The following PGAP1 variants were observed in gnomAD, a reference collection of about 807,000 sequenced individuals.
PGAP1 encodes GPI inositol-deacylase.
PGAP1 carries 76 observed loss-of-function variants against 127.0 expected under a neutral mutation model. That is an observed-to-expected ratio of 0.60 (90% CI 0.50 to 0.72). The LOEUF is 0.72. Ranked by LOEUF, PGAP1 falls within the 30% of genes least tolerant of loss-of-function variation. The pLI is 0.00. For synonymous variants in PGAP1, 362 were observed against 366.5 expected, an observed-to-expected ratio of 0.99 and a Z score of 0.14; for missense variants, 982 against 1,071.3, an observed-to-expected ratio of 0.92 and a Z score of 1.16.
At chr2:196,857,072 AG>A (rs1276477515) in intron 20 of PGAP1, among the ~76,000 whole-genome samples, 2 of 152,218 alleles carry the variant, frequency 1.3e-5, no homozygotes, top group Non-Finnish European at 2.9e-5. Context: ...ACAGAAATAA[AG>A]GGCATCGAAA....
intron 7 of PGAP1, 100 bp downstream of exon 7, chr2:196,897,031 T>A (rs1406339816): frequency 1.5e-6 from 1 of 663,100 alleles, no homozygotes; most frequent in African/African-American, 1.9e-5. Flanking sequence ...GCTTCTATTT[T>A]CATCAAAGTA....
intron 20 of PGAP1, among the ~76,000 whole-genome samples, chr2:196,860,406 C>T (rs981152075): frequency 3.3e-5 from 5 of 152,012 alleles, no homozygotes; most frequent in South Asian, 2.1e-4. Flanking sequence ...TGGTGCCACA[C>T]GGCTGTAATC....
rs1329624681 is a variant in PGAP1, at chr2:196,838,215, C to G, written c.*3019G>C. 1 of 152,164 alleles carries G rather than the reference C, an allele frequency of 6.6e-6. No individual in the cohort carries two copies. Among genetic ancestry groups the G allele is most frequent in the African/African-American group, 2.4e-5 (1 of 41,440 alleles). The allele number at this position is 152,164 out of a possible 1,614,324, so 9.4% of individuals were successfully genotyped here. A position where few individuals can be genotyped will look rare whatever the true frequency, so the allele number is the denominator to read the frequency against. ...TAGGGTCTAGGAGTTAAGCACAAAA[C>G]TTACTCATAACTCAATTGCTAAATT... On this transcript the variant is annotated 3_prime_UTR_variant, in exon 27 of 27. Transcript: ENST00000354764.
intron 20 of PGAP1, among the ~76,000 whole-genome samples, chr2:196,852,839 T>C (rs1306203582): frequency 1.3e-5 from 2 of 152,068 alleles, no homozygotes; most frequent in African/African-American, 4.8e-5. Flanking sequence ...AAATAGGAAA[T>C]ACTTGGACAA....
intron 21 of PGAP1, 97 bp downstream of exon 21, chr2:196,847,850 C>A: frequency 1.1e-6 from 1 of 920,052 alleles, no homozygotes; most frequent in South Asian, 2.5e-5. Flanking sequence ...AAGTCAACTG[C>A]CAAATCTGTA....
Position 196,833,222 on chromosome 2 carries a change from C to T in PGAP1, c.*8012G>A, listed in dbSNP as rs535721218. On this transcript the variant is annotated 3_prime_UTR_variant, in exon 27 of 27. Transcript: ENST00000354764. ...TAGTACTTTTTGTGAATTACAATCACATAAATGTAATAATTTTAATTATAC... is the reference window on the plus strand; with the variant it reads ...TAGTACTTTTTGTGAATTACAATCATATAAATGTAATAATTTTAATTATAC... 1 of 152,440 alleles carries T rather than the reference C, an allele frequency of 6.6e-6. No individual in the cohort carries two copies. The highest frequency in any genetic ancestry group is 6.5e-5 in the Admixed American group (1 of 15,282). 9.4% of individuals were successfully genotyped at this position (152,440 alleles called of 1,614,324 possible). A position where few individuals can be genotyped will look rare whatever the true frequency, so the allele number is the denominator to read the frequency against.
At chr2:196,924,554 T>C (rs1362102202) in intron 1 of PGAP1, among the ~76,000 whole-genome samples, 3 of 152,154 alleles carry the variant, frequency 2.0e-5, no homozygotes, top group Non-Finnish European at 4.4e-5. Flanking sequence ...ATATAAATAC[T>C]ATCATGAATT....
intron 19 of PGAP1, among the ~76,000 whole-genome samples, chr2:196,866,746 A>G (rs1272361757): frequency 6.6e-6 from 1 of 152,210 alleles, no homozygotes; most frequent in East Asian, 1.9e-4. Flanking sequence ...AACATCCAAA[A>G]TCTATAAAGA....
At chr2:196,887,248 G>T (rs938680372) in intron 10 of PGAP1, among the ~76,000 whole-genome samples, 1 of 152,120 alleles carries the variant, frequency 6.6e-6, no homozygotes, top group East Asian at 1.9e-4. Flanking sequence ...GCTGGGCGTG[G>T]TGGTGGGCGT....
intron 13 of PGAP1, 140 bp downstream of exon 13, chr2:196,879,936 A>G: frequency 6.6e-6 from 4 of 605,008 alleles, no homozygotes; most frequent in Non-Finnish European, 1.2e-5. Flanking sequence ...GATGATCCTA[A>G]TAATTTAACA....
intron 20 of PGAP1, among the ~76,000 whole-genome samples, chr2:196,858,033 CA>C (rs141162136): frequency 0.1 from 15,530 of 151,976 alleles, 958 homozygotes; most frequent in African/African-American, 0.17. Flanking sequence ...TTTAAGTTGA[CA>C]AAACTTAAAG....
chr2:196,903,475 C>A (rs1028310790), intron 4 of PGAP1, among the ~76,000 whole-genome samples: 1 of 148,018 alleles, frequency 6.8e-6, no homozygotes, highest in South Asian at 2.1e-4. Context: ...GCAGGAGAAT[C>A]GCTTGAACCC....
At position 196,864,874 on chromosome 2, in the gene PGAP1, G is replaced by A. The variant is rs555499426; in HGVS notation, c.1861+113C>T. 37 of 467,446 alleles carry A rather than the reference G, an allele frequency of 7.9e-5. No individual in the cohort carries two copies. In the South Asian group the frequency reaches 1.5e-3, roughly 19 times the overall value. The allele number at this position is 467,446 out of a possible 1,614,324, so 29.0% of individuals were successfully genotyped here. On this transcript the variant is annotated intron_variant, in intron 20 of 26. Transcript: ENST00000354764. ...GAGTTCTAAGAACTCTCTTAATTATGTCTCCTGATTCAATATAACAGAATT... is the reference window on the plus strand; with the variant it reads ...GAGTTCTAAGAACTCTCTTAATTATATCTCCTGATTCAATATAACAGAATT...
chr2:196,856,880 C>T (rs747721546), intron 20 of PGAP1, among the ~76,000 whole-genome samples: 30 of 152,116 alleles, frequency 2.0e-4, no homozygotes, highest in Non-Finnish European at 4.0e-4. Context: ...TTGTATTTCC[C>T]CTTTTTAAAC....
rs150574669 is a variant in PGAP1, at chr2:196,894,488, A to G, written c.928-1243T>C. On this transcript the variant is annotated intron_variant, in intron 7 of 26. Transcript: ENST00000354764. ...AAGGGGCCACATCTGTTTGCAATCAATTAAATGTTACAGCCTGTCTATCAA... is the reference window on the plus strand; with the variant it reads ...AAGGGGCCACATCTGTTTGCAATCAGTTAAATGTTACAGCCTGTCTATCAA... Among the ~76,000 whole-genome samples the G allele has an allele frequency of 2.1e-3, 319 of 152,328 alleles. 2 individuals carry two copies. Among genetic ancestry groups the G allele is most frequent in the African/African-American group, 7.2e-3 (300 of 41,556 alleles).
chr2:196,868,933 T>C (rs887231481), intron 19 of PGAP1, among the ~76,000 whole-genome samples: 1 of 152,198 alleles, frequency 6.6e-6, no homozygotes, highest in Non-Finnish European at 1.5e-5. Context: ...GAAGAACATC[T>C]TACGTCTTTT....
At chr2:196,919,906 T>C in intron 2 of PGAP1, 91 bp downstream of exon 2, 1 of 1,316,484 alleles carries the variant, frequency 7.6e-7, no homozygotes, top group Non-Finnish European at 1.0e-6. Context: ...ATGCATTTCA[T>C]TTACTTTATT....
In PGAP1 at chr2:196,919,988, A is replaced by G; in HGVS notation, c.301+9T>C. ...ATAGCTTTCAAAATTTACTTCCAGT[A>G]AGACTTACCTTGCTTATAACTTCCA... On this transcript the variant is annotated intron_variant, in intron 2 of 26. Coordinates refer to ENST00000354764, the MANE Select transcript of PGAP1 (RefSeq NM_024989.4). 1 of 1,597,878 alleles carries G rather than the reference A, an allele frequency of 6.3e-7. No individual in the cohort carries two copies.
intron 7 of PGAP1, 64 bp from the exon 8 acceptor site, chr2:196,893,309 T>G: frequency 3.4e-6 from 3 of 890,958 alleles, no homozygotes; most frequent in Non-Finnish European, 5.4e-6. Flanking sequence ...GATGAAACAT[T>G]GCTTCAGTAA....
Sources: gnomAD v4.1 joint callset for allele counts (sites outside exome capture counted in the v4.1 genomes callset) on GRCh38, gnomAD v4.1.1 for gene constraint, MANE v1.5 for transcripts, NCBI Gene and HGNC (gene_info 2026-07-23, HGNC 2026-07-21) for gene names.